Variants in EBF1 observed in about 807,000 individuals in gnomAD.
EBF1 encodes the protein EBF transcription factor 1, also known as transcription factor COE1.
A neutral mutation model predicts 68.4 loss-of-function variants in EBF1; 10 were observed. That is an observed-to-expected ratio of 0.15 (90% CI 0.09 to 0.25). EBF1 has a LOEUF of 0.25. Ranked by LOEUF, EBF1 falls within the 10% of genes least tolerant of loss-of-function variation. The pLI is 1.00. For missense variants in EBF1, 509 were observed against 794.4 expected (o/e 0.64, Z 4.32); for synonymous variants, 298 against 299.8 (o/e 0.99, Z 0.06).
At chr5:158,969,901 AAAGAAAGAAAGAAAG>A (rs1428775029) in intron 6 of EBF1, among the ~76,000 whole-genome samples, 3 of 118,270 alleles carry the variant, frequency 2.5e-5, no homozygotes, top group African/African-American at 6.3e-5. Context: ...AGAAAGAAAG[AAAGAAAGAAAGAAAG>A]AAAAAAAAAA....
At chr5:158,999,743 GAAAT>G in intron 6 of EBF1, among the ~76,000 whole-genome samples, 1 of 152,244 alleles carries the variant, frequency 6.6e-6, no homozygotes, top group African/African-American at 2.4e-5. Flanking sequence ...GATTCAATAA[GAAAT>G]AAAAACCTAC....
intron 6 of EBF1, among the ~76,000 whole-genome samples, chr5:158,995,939 T>C (rs1761327546): frequency 1.3e-5 from 2 of 152,146 alleles, no homozygotes; most frequent in Non-Finnish European, 2.9e-5. Context: ...ACCTACTAGA[T>C]TCCAGAGGTG....
intron 4 of EBF1, among the ~76,000 whole-genome samples, chr5:159,088,178 C>CACACA (rs1781045543): frequency 6.6e-6 from 1 of 152,082 alleles, no homozygotes; most frequent in Non-Finnish European, 1.5e-5. Flanking sequence ...AACACACATA[C>CACACA]ACACATGTAC....
At chr5:158,947,194 G>A (rs893759431) in intron 6 of EBF1, among the ~76,000 whole-genome samples, 9 of 152,020 alleles carry the variant, frequency 5.9e-5, no homozygotes, top group African/African-American at 2.2e-4. Flanking sequence ...AGGGGAGTGA[G>A]CGGTTCTGTC....
At chr5:158,712,015 C>T in intron 14 of EBF1, 139 bp downstream of exon 14, 1 of 1,001,462 alleles carries the variant, frequency 1.0e-6, no homozygotes, top group Non-Finnish European at 1.5e-6. Context: ...CCTTTAGCAC[C>T]ATCACCCAGG....
intron 6 of EBF1, among the ~76,000 whole-genome samples, chr5:158,998,485 C>T (rs1227174181): frequency 6.6e-6 from 1 of 152,124 alleles, no homozygotes; most frequent in East Asian, 1.9e-4. Context: ...CTATTGACTG[C>T]CTGAATCCAC....
At chr5:159,063,194 C>T (rs17056506) in intron 6 of EBF1, among the ~76,000 whole-genome samples, 17,591 of 152,154 alleles carry the variant, frequency 0.12, 1,453 homozygotes, top group East Asian at 0.4. Context: ...GGCTTACAAC[C>T]TACCCTCCAA....
At chr5:159,097,882 C>A (rs955542745) in intron 1 of EBF1, among the ~76,000 whole-genome samples, 5 of 152,316 alleles carry the variant, frequency 3.3e-5, no homozygotes, top group Non-Finnish European at 2.9e-5. Flanking sequence ...GCGCCTGGGG[C>A]GCCAGGCGGC....
intron 8 of EBF1, among the ~76,000 whole-genome samples, chr5:158,797,485 T>C (rs1330424461): frequency 1.3e-5 from 2 of 152,208 alleles, no homozygotes; most frequent in African/African-American, 2.4e-5. Flanking sequence ...GGGACCCTCA[T>C]CTTTAATAAA....
At chr5:158,936,731 C>T (rs1812098143) in intron 6 of EBF1, among the ~76,000 whole-genome samples, 1 of 152,188 alleles carries the variant, frequency 6.6e-6, no homozygotes, top group East Asian at 1.9e-4. Context: ...TGGGAAACTC[C>T]TTGAGGGCAA....
intron 7 of EBF1, among the ~76,000 whole-genome samples, chr5:158,839,049 C>T (rs1009125429): frequency 2.0e-5 from 3 of 152,160 alleles, no homozygotes; most frequent in African/African-American, 7.2e-5. Context: ...GGATTTTCAG[C>T]ACTTTTAAGT....
intron 6 of EBF1, among the ~76,000 whole-genome samples, chr5:158,994,582 C>A (rs996150156): frequency 6.6e-6 from 1 of 152,226 alleles, no homozygotes; most frequent in Non-Finnish European, 1.5e-5. Flanking sequence ...TTTCTTGGAA[C>A]TCTACGCCTA....
intron 10 of EBF1, among the ~76,000 whole-genome samples, chr5:158,762,179 A>G (rs1334214539): frequency 6.6e-6 from 1 of 152,214 alleles, no homozygotes; most frequent in Non-Finnish European, 1.5e-5. Flanking sequence ...CTGGATCCTT[A>G]GAAGGATTCA....
intron 6 of EBF1, among the ~76,000 whole-genome samples, chr5:158,841,522 T>C (rs967174038): frequency 2.0e-5 from 3 of 152,238 alleles, no homozygotes; most frequent in Non-Finnish European, 4.4e-5. Flanking sequence ...TGTAATTCAA[T>C]TCTCTTCCCC....
At chr5:158,715,477 AG>A (rs2127497858) in intron 11 of EBF1, among the ~76,000 whole-genome samples, 1 of 152,354 alleles carries the variant, frequency 6.6e-6, no homozygotes, top group South Asian at 2.1e-4. Flanking sequence ...GTCATACTAC[AG>A]TAACTACTTA....
intron 6 of EBF1, among the ~76,000 whole-genome samples, chr5:159,032,456 T>C (rs903172347): frequency 1.8e-4 from 28 of 152,208 alleles, no homozygotes; most frequent in Non-Finnish European, 4.1e-4. Context: ...CACTGGCTCC[T>C]CGATCAGCTC....
At chr5:159,007,797 G>A (rs568336235) in intron 6 of EBF1, among the ~76,000 whole-genome samples, 57 of 151,968 alleles carry the variant, frequency 3.8e-4, no homozygotes, top group South Asian at 2.9e-3. Context: ...AAAAATAGGA[G>A]TTCAGAAATG....
At chr5:158,975,315 AGT>A (rs1756509786) in intron 6 of EBF1, among the ~76,000 whole-genome samples, 8 of 152,224 alleles carry the variant, frequency 5.3e-5, no homozygotes, top group Admixed American at 5.2e-4. Flanking sequence ...CCTAATACTT[AGT>A]ACATACCGTA....
At chr5:158,836,463 G>T (rs921410564) in intron 7 of EBF1, among the ~76,000 whole-genome samples, 1 of 152,104 alleles carries the variant, frequency 6.6e-6, no homozygotes, top group Admixed American at 6.5e-5. Flanking sequence ...ATTCAAAAAG[G>T]GTGTAATGTC....
Sources: gnomAD v4.1 joint callset for allele counts (sites outside exome capture counted in the v4.1 genomes callset) on GRCh38, gnomAD v4.1.1 for gene constraint, MANE v1.5 for transcripts, NCBI Gene and HGNC (gene_info 2026-07-23, HGNC 2026-07-21) for gene names.